Variants in PCDHGA4 observed in about 807,000 individuals in gnomAD.
PCDHGA4 encodes protocadherin gamma-A4.
A neutral mutation model predicts 54.6 loss-of-function variants in PCDHGA4; 38 were observed. That is an observed-to-expected ratio of 0.70 (90% CI 0.54 to 0.91). The LOEUF (loss-of-function observed/expected upper bound fraction) is 0.91, where lower values mean the gene tolerates loss of function less well. PCDHGA4 is among the 40% of genes least tolerant of loss of function. The pLI is 0.00. For missense variants in PCDHGA4, 1,298 were observed against 1,220.9 expected (o/e 1.06, Z -0.94); for synonymous variants, 511 against 512.9 (o/e 1.00, Z 0.05).
intron 1 of PCDHGA4, chr5:141,365,276 C>T: frequency 6.2e-7 from 1 of 1,613,968 alleles, no homozygotes; most frequent in East Asian, 2.2e-5. Flanking sequence ...CAGATTCTAC[C>T]TCATGGAAGT....
chr5:141,357,300 C>G lies in PCDHGA4; in HGVS notation c.2193C>G (p.Val731=), dbSNP rs112089502. ...ATCTCGTGGTGGCAGTGGCCGCTGT[C>G]TCCTGCGTCTTCCTGGCTTTTGTCA... is the stretch of plus-strand genomic sequence containing the variant. The part of the protein sequence containing the change: ...TLYLVVAVAA[V]SCVFLAFVTV... Residue 731 remains valine (V), a synonymous_variant, in exon 1 of 4, where the codon GTC becomes GTG. Coordinates refer to ENST00000571252, the MANE Select transcript of PCDHGA4 (RefSeq NM_018917.4). 4 of 1,614,080 alleles carry G rather than the reference C, an allele frequency of 2.5e-6. No homozygotes were observed. The highest frequency in any genetic ancestry group is 2.7e-5 in the African/African-American group (2 of 75,060).
intron 1 of PCDHGA4, chr5:141,393,578 G>T: frequency 6.2e-7 from 1 of 1,613,930 alleles, no homozygotes; most frequent in Non-Finnish European, 8.5e-7. Context: ...TTGAGAACAT[G>T]CCCCCAGGCA....
At chr5:141,393,303 G>C in intron 1 of PCDHGA4, 1 of 1,613,764 alleles carries the variant, frequency 6.2e-7, no homozygotes, top group Non-Finnish European at 8.5e-7. Context: ...GGATGTGGGC[G>C]TGAACTCCCT....
chr5:141,360,853 C>G (rs1463247472), intron 1 of PCDHGA4: 16 of 1,613,992 alleles, frequency 9.9e-6, no homozygotes, highest in Non-Finnish European at 1.4e-5. Context: ...CGATAACCCT[C>G]CAGTGTTCAG....
chr5:141,473,269 A>G (rs2099318337), intron 1 of PCDHGA4, among the ~76,000 whole-genome samples: 1 of 152,208 alleles, frequency 6.6e-6, no homozygotes. Flanking sequence ...AGTGTATGCT[A>G]TGATTATTTT....
At chr5:141,376,280 G>A (rs1366103411) in intron 1 of PCDHGA4, 4 of 1,614,226 alleles carry the variant, frequency 2.5e-6, no homozygotes, top group Admixed American at 1.7e-5. Context: ...AGGTGGCTTA[G>A]CGAGCATGCC....
chr5:141,438,627 T>TATAC (rs2098031123), intron 1 of PCDHGA4, among the ~76,000 whole-genome samples: 4 of 48,012 alleles, frequency 8.3e-5, no homozygotes, highest in Admixed American at 6.2e-4. Flanking sequence ...TATATATATA[T>TATAC]ATATATATAC....
intron 1 of PCDHGA4, chr5:141,427,595 C>A: frequency 1.5e-6 from 1 of 681,870 alleles, no homozygotes; most frequent in Non-Finnish European, 2.7e-6. Flanking sequence ...CAAGCCTCAC[C>A]CTACGCATTG....
At chr5:141,475,600 T>A (rs1023916159) in intron 1 of PCDHGA4, among the ~76,000 whole-genome samples, 2 of 152,192 alleles carry the variant, frequency 1.3e-5, no homozygotes, top group Admixed American at 1.3e-4. Context: ...TTCCAGACAA[T>A]GTTGTGTAGT....
intron 1 of PCDHGA4, chr5:141,410,799 C>A: frequency 1.8e-6 from 1 of 560,610 alleles, no homozygotes; most frequent in Non-Finnish European, 2.6e-6. Flanking sequence ...ATAAGTTGCT[C>A]TATCTTTTTG....
intron 1 of PCDHGA4, chr5:141,418,560 A>G (rs752240769): frequency 1.2e-6 from 2 of 1,614,034 alleles, no homozygotes; most frequent in Non-Finnish European, 1.7e-6. Context: ...CTGGTAATAG[A>G]TGCCAATGAC....
intron 1 of PCDHGA4, chr5:141,360,947 A>G: frequency 6.2e-7 from 1 of 1,614,012 alleles, no homozygotes; most frequent in Non-Finnish European, 8.5e-7. Flanking sequence ...GACCGGGATG[A>G]AGGCATAAAC....
At chr5:141,421,827 C>A in intron 1 of PCDHGA4, 1 of 1,613,802 alleles carries the variant, frequency 6.2e-7, no homozygotes, top group Non-Finnish European at 8.5e-7. Flanking sequence ...TGGAGGGAAG[C>A]CTGGACCGAG....
intron 1 of PCDHGA4, chr5:141,430,941 A>G: frequency 6.2e-7 from 1 of 1,608,258 alleles, no homozygotes; most frequent in Non-Finnish European, 8.5e-7. Context: ...GAGCTCGCGG[A>G]GCGCGGAGTC....
chr5:141,509,046 C>T (rs1442220429), intron 3 of PCDHGA4, among the ~76,000 whole-genome samples: 1 of 152,160 alleles, frequency 6.6e-6, no homozygotes, highest in Non-Finnish European at 1.5e-5. Flanking sequence ...CTCTCCCCCG[C>T]CCCCAGAAAG....
chr5:141,375,535 C>T (rs548065153), intron 1 of PCDHGA4: 89 of 1,614,018 alleles, frequency 5.5e-5, no homozygotes, highest in Non-Finnish European at 6.9e-5. Flanking sequence ...TGGACCAGAA[C>T]GCCCAAGTCT....
intron 1 of PCDHGA4, chr5:141,426,945 A>G: frequency 8.8e-6 from 4 of 456,724 alleles, no homozygotes; most frequent in Non-Finnish European, 1.8e-5. Context: ...CCCAGTCCCA[A>G]CTGGCACTGC....
At chr5:141,405,082 G>A (rs376389835) in intron 1 of PCDHGA4, 21 of 1,613,674 alleles carry the variant, frequency 1.3e-5, no homozygotes, top group East Asian at 2.2e-5. Context: ...TCGTTATCAC[G>A]CTGCTGGCCC....
rs781550738 is a variant in PCDHGA4 at position 141,487,383 on chromosome 5, C to A, written c.2515-7424C>A. On this transcript the variant is annotated intron_variant, in intron 1 of 3. Transcript: ENST00000571252. This position sits in a 1 kb window ranked among gnomAD's most constrained non-coding sequence, Gnocchi z 5.0. Reference sequence around the variant, plus strand: ...GGCACCTGTGCCTGTCTCACCAGATCTCGAAGGAGGGAGGGGCTTCCCCCT... The same window carrying A: ...GGCACCTGTGCCTGTCTCACCAGATATCGAAGGAGGGAGGGGCTTCCCCCT... The A allele has an allele frequency of 3.7e-6, 6 of 1,614,196 alleles. No individual in the cohort carries two copies. The South Asian group carries it at 6.6e-5, about 18-fold the overall frequency.
Sources: allele counts gnomAD v4.1 joint callset (sites outside exome capture counted in the v4.1 genomes callset), GRCh38; gene constraint gnomAD v4.1.1; non-coding constraint Gnocchi (gnomAD v3.1); transcripts MANE v1.5; gene names NCBI Gene and HGNC (gene_info 2026-07-23, HGNC 2026-07-21).